Variants in COPA observed in about 807,000 individuals in gnomAD.
The protein encoded by COPA is coat protein complex I subunit alpha.
COPA carries 10 observed loss-of-function variants against 158.7 expected under a neutral mutation model. The observed-to-expected ratio is 0.06, with a 90% confidence interval of 0.04 to 0.11. The LOEUF (loss-of-function observed/expected upper bound fraction) is 0.11. Among genes scored for constraint, COPA ranks in the 10% least tolerant of loss-of-function variants. The pLI, the probability that COPA is intolerant of heterozygous loss-of-function variation, is 1.00. For missense variants in COPA, 1,065 were observed against 1,536.7 expected, an observed-to-expected ratio of 0.69 and a Z score of 5.13; for synonymous variants, 462 against 542.8, an observed-to-expected ratio of 0.85 and a Z score of 2.07.
chr1:160,331,634 G>C (rs1250256137), intron 6 of COPA, among the ~76,000 whole-genome samples: 1 of 143,454 alleles, frequency 7.0e-6, no homozygotes, highest in East Asian at 2.1e-4. Context: ...GTGAGACAGA[G>C]TGAGACTCCA....
chr1:160,306,855 A>C (rs758709014), intron 14 of COPA, among the ~76,000 whole-genome samples: 4 of 152,216 alleles, frequency 2.6e-5, no homozygotes, highest in East Asian at 1.9e-4. Context: ...GAGGCAGCAG[A>C]AGGAGGGAAA....
intron 8 of COPA, among the ~76,000 whole-genome samples, chr1:160,321,536 C>T (rs1426333534): frequency 6.6e-6 from 1 of 152,026 alleles, no homozygotes; most frequent in Non-Finnish European, 1.5e-5. Context: ...GCCTATAAAC[C>T]CAGCACTTTG....
At chr1:160,304,226 C>A (rs1425242653) in intron 17 of COPA, among the ~76,000 whole-genome samples, 1 of 151,328 alleles carries the variant, frequency 6.6e-6, no homozygotes, top group African/African-American at 2.4e-5. Flanking sequence ...GTTGCTCAGG[C>A]TGGTCTTGAA....
At chr1:160,306,999 C>T (rs1409038503) in intron 14 of COPA, among the ~76,000 whole-genome samples, 164 bp downstream of exon 14, 1 of 152,196 alleles carries the variant, frequency 6.6e-6, no homozygotes, top group East Asian at 1.9e-4. Context: ...AATGCCATTC[C>T]CCCAAGAGGG....
chr1:160,289,927 G>A lies in COPA; in HGVS notation c.*230C>T. ...TTTGTTCCTTAAAATAATTAAGCTG[G>A]AAAGGCAAGGACAATTATGAGCACA... On this transcript the variant is annotated 3_prime_UTR_variant, in exon 33 of 33. Coordinates refer to ENST00000241704, the MANE Select transcript of COPA (RefSeq NM_004371.4). 1 of 486,652 alleles carries A rather than the reference G, an allele frequency of 2.1e-6. No individual in the cohort carries two copies. Among genetic ancestry groups the A allele is most frequent in the Non-Finnish European group, 3.7e-6 (1 of 273,832 alleles). The allele number at this position is 486,652 out of a possible 1,614,324, so 30.1% of individuals were successfully genotyped here.
intron 6 of COPA, among the ~76,000 whole-genome samples, 199 bp downstream of exon 6, chr1:160,332,249 G>A (rs1302251649): frequency 6.6e-6 from 1 of 152,104 alleles, no homozygotes; most frequent in Non-Finnish European, 1.5e-5. Flanking sequence ...GAATTTTCTA[G>A]AGTTACCTCT....
intron 29 of COPA, 31 bp from the exon 30 acceptor site, chr1:160,291,960 A>C (rs944140002): frequency 1.9e-6 from 3 of 1,614,032 alleles, no homozygotes; most frequent in Non-Finnish European, 2.5e-6. Context: ...CAGGATACAG[A>C]GACAAGAATG....
At chr1:160,332,948 G>A (rs930675712) in intron 5 of COPA, among the ~76,000 whole-genome samples, 1 of 152,058 alleles carries the variant, frequency 6.6e-6, no homozygotes. Flanking sequence ...TTTTTGAGAT[G>A]GAATTTCACT....
intron 27 of COPA, 46 bp downstream of exon 27, chr1:160,293,120 G>C: frequency 6.3e-7 from 1 of 1,578,986 alleles, no homozygotes; most frequent in Non-Finnish European, 8.7e-7. Context: ...ATCTCCCGGG[G>C]ACCCTGGGCT....
intron 7 of COPA, among the ~76,000 whole-genome samples, chr1:160,325,238 T>C (rs1659452709): frequency 6.6e-6 from 1 of 152,216 alleles, no homozygotes; most frequent in African/African-American, 2.4e-5. Context: ...CGATTAAATT[T>C]CCTGCTGCCC....
rs190388018 is a variant in COPA at position 160,313,676 on chromosome 1, G to A, written c.842+314C>T. 1.8e-3 allele frequency among the ~76,000 whole-genome samples: 270 copies of A among 152,248 alleles called. 4 individuals are homozygous for A. In the East Asian group the frequency reaches 0.027, roughly 15 times the overall value. On this transcript the variant is annotated intron_variant, in intron 9 of 32. Coordinates refer to ENST00000241704, the MANE Select transcript of COPA (RefSeq NM_004371.4). ...TGATCCACCCGCCTCAGCCTCCCAAGTGCTGGGATTACAGGCATGAGCCAC... is the reference window on the plus strand; with the variant it reads ...TGATCCACCCGCCTCAGCCTCCCAAATGCTGGGATTACAGGCATGAGCCAC...
At chr1:160,313,272 AT>A in intron 9 of COPA, 105 bp from the exon 10 acceptor site, 1 of 1,001,090 alleles carries the variant, frequency 1.0e-6, no homozygotes, top group East Asian at 2.6e-5. Flanking sequence ...TAAAATGTAA[AT>A]CAGGGAGAGT....
intron 3 of COPA, among the ~76,000 whole-genome samples, chr1:160,338,598 T>C (rs1020256304): frequency 2.6e-5 from 4 of 152,196 alleles, no homozygotes; most frequent in African/African-American, 9.7e-5. Context: ...TGATAGTCAG[T>C]TGTCTTTAAA....
At chr1:160,310,891 C>A (rs183160473) in intron 11 of COPA, among the ~76,000 whole-genome samples, 6 of 152,196 alleles carry the variant, frequency 3.9e-5, no homozygotes, top group Admixed American at 3.3e-4. Flanking sequence ...AAAAGAAATG[C>A]CAAACAAAGG....
Position 160,291,792 on chromosome 1 carries a change from T to C in COPA, c.3258+27A>G, listed in dbSNP as rs1396852687. 6.2e-6 allele frequency: 10 copies of C among 1,604,002 alleles called. No homozygotes were observed. The South Asian group carries it at 9.9e-5, about 16-fold the overall frequency. On this transcript the variant is annotated intron_variant, in intron 30 of 32. Transcript: ENST00000241704. ...AAGGGTGAAGGGAAGGACGTCTCTG[T>C]TGTGCTCAGGGTCCTATAGATCTTA...
intron 17 of COPA, among the ~76,000 whole-genome samples, chr1:160,300,468 T>C (rs1658565683): frequency 6.6e-6 from 1 of 152,038 alleles, no homozygotes; most frequent in African/African-American, 2.4e-5. Flanking sequence ...TATAGTCCTA[T>C]AATGGCTAAA....
At chr1:160,331,551 G>T (rs1647517737) in intron 6 of COPA, among the ~76,000 whole-genome samples, 2 of 151,032 alleles carry the variant, frequency 1.3e-5, no homozygotes, top group South Asian at 4.2e-4. Flanking sequence ...TACTTATGAG[G>T]CACAAGAAAC....
At chr1:160,320,496 C>A (rs1358360272) in intron 8 of COPA, among the ~76,000 whole-genome samples, 1 of 149,770 alleles carries the variant, frequency 6.7e-6, no homozygotes, top group Non-Finnish European at 1.5e-5. Flanking sequence ...GTAGTCCCAG[C>A]TACTTGGGAG....
chr1:160,306,318 A>T, intron 15 of COPA, 36 bp downstream of exon 15: 2 of 1,552,472 alleles, frequency 1.3e-6, no homozygotes, highest in Non-Finnish European at 8.7e-7. Context: ...CTCCCCAACT[A>T]CAGGGCTGTC....
Sources: allele counts gnomAD v4.1 joint callset (sites outside exome capture counted in the v4.1 genomes callset), GRCh38; gene constraint gnomAD v4.1.1; transcripts MANE v1.5; gene names NCBI Gene and HGNC (gene_info 2026-07-23, HGNC 2026-07-21).